The following SLC8A3 variants were observed in gnomAD, a reference collection of about 807,000 sequenced individuals.
The protein encoded by SLC8A3 is solute carrier family 8 member A3.
A neutral mutation model predicts 65.4 loss-of-function variants in SLC8A3; 37 were observed. That is an observed-to-expected ratio of 0.57 (90% CI 0.44 to 0.74). The LOEUF (loss-of-function observed/expected upper bound fraction) is 0.74, where lower values mean the gene tolerates loss of function less well. Among genes scored for constraint, SLC8A3 ranks in the 30% least tolerant of loss-of-function variants. The pLI, the probability that SLC8A3 is intolerant of heterozygous loss-of-function variation, is 0.00. For missense variants in SLC8A3, 1,112 were observed against 1,172.1 expected (o/e 0.95, Z 0.75); for synonymous variants, 461 against 444.5 (o/e 1.04, Z -0.47).
At chr14:70,159,862 C>T (rs1896785500) in intron 2 of SLC8A3, among the ~76,000 whole-genome samples, 1 of 152,180 alleles carries the variant, frequency 6.6e-6, no homozygotes, top group African/African-American at 2.4e-5. Context: ...TCATCTCCAA[C>T]CACAGTGTGT....
At chr14:70,094,915 A>T (rs941821537) in intron 2 of SLC8A3, among the ~76,000 whole-genome samples, 10 of 152,242 alleles carry the variant, frequency 6.6e-5, no homozygotes, top group African/African-American at 2.4e-4. Flanking sequence ...GAGGAAATGA[A>T]GCAGACAGCA....
At chr14:70,127,099 T>C (rs1370700348) in intron 2 of SLC8A3, among the ~76,000 whole-genome samples, 3 of 150,648 alleles carry the variant, frequency 2.0e-5, no homozygotes, top group East Asian at 2.0e-4. Flanking sequence ...GTCTGCCTTC[T>C]ATTTCCCTAT....
At chr14:70,187,577 A>G (rs1016621658) in intron 1 of SLC8A3, among the ~76,000 whole-genome samples, 33 of 148,956 alleles carry the variant, frequency 2.2e-4, no homozygotes, top group Non-Finnish European at 2.1e-4. Context: ...CAGCAGCGCT[A>G]GCCTCTGAAT....
chr14:70,122,032 G>A (rs1015687134), intron 2 of SLC8A3, among the ~76,000 whole-genome samples: 21 of 152,142 alleles, frequency 1.4e-4, no homozygotes, highest in African/African-American at 3.6e-4. Flanking sequence ...CTTAGGAGGC[G>A]AGCTTCCTCA....
intron 2 of SLC8A3, among the ~76,000 whole-genome samples, chr14:70,085,957 G>A (rs996257163): frequency 3.9e-5 from 6 of 152,194 alleles, no homozygotes; most frequent in South Asian, 2.1e-4. Flanking sequence ...GAGACAGAAA[G>A]TGAACTGAGG....
chr14:70,131,721 G>C (rs1894839244), intron 2 of SLC8A3, among the ~76,000 whole-genome samples: 1 of 152,232 alleles, frequency 6.6e-6, no homozygotes, highest in African/African-American at 2.4e-5. Flanking sequence ...ATGTGTCAGA[G>C]TCTATAAGTG....
upstream of SLC8A3, among the ~76,000 whole-genome samples, chr14:70,189,328 G>A (rs1883621400): frequency 6.6e-6 from 1 of 152,180 alleles, no homozygotes; most frequent in Non-Finnish European, 1.5e-5. Context: ...GCCGAGTTGG[G>A]AGCTCCAGGC....
chr14:70,064,978 C>T (rs947054495), intron 2 of SLC8A3, among the ~76,000 whole-genome samples: 2 of 152,012 alleles, frequency 1.3e-5, no homozygotes, highest in African/African-American at 2.4e-5. Flanking sequence ...AGACCTCTCC[C>T]GGTGGGTGTG....
intron 1 of SLC8A3, among the ~76,000 whole-genome samples, chr14:70,177,376 A>C (rs1897974304): frequency 6.6e-6 from 1 of 152,250 alleles, no homozygotes; most frequent in Non-Finnish European, 1.5e-5. Flanking sequence ...AGAGAAGCAC[A>C]CACTTCACTG....
chr14:70,164,276 C>T (rs537338613), intron 2 of SLC8A3, among the ~76,000 whole-genome samples: 7 of 152,222 alleles, frequency 4.6e-5, no homozygotes, highest in South Asian at 2.1e-4. Context: ...TTAGAACCCA[C>T]GATTTTTCTG....
At chr14:70,067,751 C>T (rs1889595805) in intron 2 of SLC8A3, among the ~76,000 whole-genome samples, 1 of 152,196 alleles carries the variant, frequency 6.6e-6, no homozygotes. Flanking sequence ...ACTTAACATA[C>T]CACATTTGTC....
chr14:70,150,753 C>T lies in SLC8A3; in HGVS notation c.1784+15886G>A, dbSNP rs571416356. 4.6e-5 allele frequency among the ~76,000 whole-genome samples: 7 copies of T among 152,280 alleles called. No individual in the cohort carries two copies. In the East Asian group the frequency reaches 7.7e-4, roughly 17 times the overall value. Reference sequence around the variant, plus strand: ...TAACACACCTGTAGCTCAGGACAAGCTTTAAGGCACCGAGGAACTCCAGAG... The same window carrying T: ...TAACACACCTGTAGCTCAGGACAAGTTTTAAGGCACCGAGGAACTCCAGAG... On this transcript the variant is annotated intron_variant, in intron 2 of 6. Coordinates refer to ENST00000356921, the MANE Select transcript of SLC8A3 (RefSeq NM_182932.3).
At chr14:70,178,192 C>T (rs1255845510) in intron 1 of SLC8A3, among the ~76,000 whole-genome samples, 1 of 152,168 alleles carries the variant, frequency 6.6e-6, no homozygotes, top group Admixed American at 6.5e-5. Context: ...CAAAACCATC[C>T]AACTTAGATA....
intron 2 of SLC8A3, chr14:70,080,062 C>T (rs902448692): frequency 3.0e-6 from 3 of 983,680 alleles, no homozygotes; most frequent in East Asian, 1.1e-4. Flanking sequence ...GCAGCAGGCT[C>T]AGCAAGTGAT....
intron 1 of SLC8A3, among the ~76,000 whole-genome samples, chr14:70,177,713 CT>C (rs1016711487): frequency 3.3e-4 from 51 of 152,264 alleles, no homozygotes; most frequent in African/African-American, 1.2e-3. Flanking sequence ...TGAGGAATCG[CT>C]GGTAAGAGGC....
chr14:70,056,124 T>G (rs1183649544), intron 3 of SLC8A3, among the ~76,000 whole-genome samples: 1 of 152,140 alleles, frequency 6.6e-6, no homozygotes, highest in Non-Finnish European at 1.5e-5. Flanking sequence ...AATGGGTAGG[T>G]TGGTCACTCA....
rs1156539068 is a variant in SLC8A3 at position 70,110,959 on chromosome 14, C to T, written c.1785-50020G>A. Among the ~76,000 whole-genome samples, 4 of 151,868 alleles carry T rather than the reference C, an allele frequency of 2.6e-5. No homozygotes were observed. In the South Asian group the frequency reaches 6.3e-4, roughly 24 times the overall value. On this transcript the variant is annotated intron_variant, in intron 2 of 6. Coordinates refer to ENST00000356921, the MANE Select transcript of SLC8A3 (RefSeq NM_182932.3). ...CCTCCCAAAGTGCTGGGATTACAGG[C>T]GTGAGCCACCGCGCCCGGCTGCAGA...
chr14:70,096,083 TGTTGGTCAG>T (rs1274350307), intron 2 of SLC8A3, among the ~76,000 whole-genome samples: 1 of 152,148 alleles, frequency 6.6e-6, no homozygotes, highest in Non-Finnish European at 1.5e-5. Flanking sequence ...GGTTTCACCA[TGTTGGTCAG>T]GCTGGTCTTG....
intron 2 of SLC8A3, among the ~76,000 whole-genome samples, chr14:70,151,756 T>C (rs1896291958): frequency 6.6e-6 from 1 of 152,218 alleles, no homozygotes; most frequent in East Asian, 1.9e-4. Context: ...TGATTCCTTC[T>C]AGAGGTCCGA....
Sources: allele counts gnomAD v4.1 joint callset (sites outside exome capture counted in the v4.1 genomes callset), GRCh38; gene constraint gnomAD v4.1.1; transcripts MANE v1.5; gene names NCBI Gene and HGNC (gene_info 2026-07-23, HGNC 2026-07-21).